The following MAP3K3 variants were observed in gnomAD, a reference collection of about 807,000 sequenced individuals.
The protein encoded by MAP3K3 is MAP/ERK kinase kinase 3.
A neutral mutation model predicts 80.9 loss-of-function variants in MAP3K3; 12 were observed. That is an observed-to-expected ratio of 0.15 (90% confidence interval 0.10 to 0.24). The LOEUF is 0.24. MAP3K3 is among the 10% of genes least tolerant of loss of function. The pLI, the probability that MAP3K3 is intolerant of heterozygous loss-of-function variation, is 1.00. For missense variants in MAP3K3, 596 were observed against 834.7 expected (o/e 0.71, Z 3.52); for synonymous variants, 272 against 307.1 (o/e 0.89, Z 1.19).
chr17:63,692,172 C>G lies in MAP3K3; in HGVS notation c.1475-70C>G, dbSNP rs908450652. 3.8e-6 allele frequency: 6 copies of G among 1,570,060 alleles called. No individual in the cohort carries two copies. The Admixed American group carries it at 7.0e-5, about 18-fold the overall frequency. On this transcript the variant is annotated intron_variant, in intron 14 of 15. Coordinates refer to ENST00000361733, the MANE Select transcript of MAP3K3 (RefSeq NM_002401.5). The surrounding 1 kb of genome is among the most constrained non-coding windows in gnomAD (Gnocchi z 4.5). The stretch of plus-strand genomic sequence containing the variant: ...CCCTCTCCAGCAGCTCTCAGTGACC[C>G]GGGGGTGGGGAGGATGGGAGAAAAT...
At chr17:63,663,165 T>A (rs73339412) in intron 5 of MAP3K3, among the ~76,000 whole-genome samples, 3,376 of 152,186 alleles carry the variant, frequency 0.022, 127 homozygotes, top group African/African-American at 0.077. Context: ...AAGACAAAAT[T>A]TTCAAGGAGT....
At chr17:63,677,632 T>C (rs769700486) in intron 6 of MAP3K3, among the ~76,000 whole-genome samples, 1 of 152,208 alleles carries the variant, frequency 6.6e-6, no homozygotes. Flanking sequence ...AAACCCTCTG[T>C]TGGCCAAGCG....
At chr17:63,640,893 T>C (rs1487424093) in intron 2 of MAP3K3, among the ~76,000 whole-genome samples, 1 of 152,106 alleles carries the variant, frequency 6.6e-6, no homozygotes, top group Non-Finnish European at 1.5e-5. Context: ...TTTTAAGAGG[T>C]CCAGGAAATA....
At chr17:63,681,959 A>C (rs1358335664) in intron 7 of MAP3K3, 60 bp downstream of exon 7, 1 of 1,313,760 alleles carries the variant, frequency 7.6e-7, no homozygotes, top group Non-Finnish European at 9.8e-7. Context: ...AGCTCATAAC[A>C]AGGGGTTCTT....
At chr17:63,627,810 C>T (rs1212816078) in intron 1 of MAP3K3, among the ~76,000 whole-genome samples, 1 of 152,104 alleles carries the variant, frequency 6.6e-6, no homozygotes, top group Non-Finnish European at 1.5e-5. Flanking sequence ...TCTCAAACTC[C>T]TGGGATCAAG....
chr17:63,687,467 G>A (rs1485720343), intron 8 of MAP3K3, among the ~76,000 whole-genome samples: 16 of 146,134 alleles, frequency 1.1e-4, no homozygotes, highest in African/African-American at 4.1e-4. Flanking sequence ...AACCCAGATC[G>A]CCCCATTGCA....
intron 3 of MAP3K3, 83 bp from the exon 4 acceptor site, chr17:63,652,470 AAAGG>A (rs2034676412): frequency 1.2e-6 from 1 of 850,982 alleles, no homozygotes; most frequent in Non-Finnish European, 1.9e-6. Context: ...TGTTGAGAAG[AAAGG>A]AAGAATATAC....
intron 8 of MAP3K3, among the ~76,000 whole-genome samples, chr17:63,687,353 A>C (rs1367660018): frequency 6.6e-6 from 1 of 150,940 alleles, no homozygotes; most frequent in African/African-American, 2.4e-5. Flanking sequence ...AAAAATACAA[A>C]AAAAAAAAAA....
chr17:63,687,309 G>C (rs2035474203), intron 8 of MAP3K3, among the ~76,000 whole-genome samples: 1 of 148,834 alleles, frequency 6.7e-6, no homozygotes, highest in Non-Finnish European at 1.5e-5. Context: ...TTCGAGACCA[G>C]CCTGGCCAAC....
At chr17:63,684,734 C>T (rs1248833975) in intron 7 of MAP3K3, among the ~76,000 whole-genome samples, 1 of 152,138 alleles carries the variant, frequency 6.6e-6, no homozygotes, top group East Asian at 1.9e-4. Flanking sequence ...GCAAGTGATC[C>T]TTCCCTCTCG....
chr17:63,678,164 T>C (rs1189601767), intron 6 of MAP3K3, among the ~76,000 whole-genome samples: 1 of 152,118 alleles, frequency 6.6e-6, no homozygotes, highest in Non-Finnish European at 1.5e-5. Context: ...GGGCTTGGGT[T>C]TCCCTCTGCG....
intron 4 of MAP3K3, among the ~76,000 whole-genome samples, chr17:63,653,595 A>G (rs954145016): frequency 1.4e-4 from 21 of 152,206 alleles, no homozygotes; most frequent in Admixed American, 1.2e-3. Context: ...ATGTCTTAAC[A>G]TACTCTACTA....
At chr17:63,688,761 A>T in intron 9 of MAP3K3, 28 bp from the exon 10 acceptor site, 1 of 1,556,354 alleles carries the variant, frequency 6.4e-7, no homozygotes, top group Non-Finnish European at 8.9e-7. Context: ...ACCTACCCAG[A>T]AGCCAGTGAT....
In MAP3K3 at chr17:63,627,875, C is replaced by T. The variant is rs543886307; in HGVS notation, c.5-4806C>T. Reference sequence around the variant, plus strand: ...TTGGACTTACAGGTGTGAGCCAATGCGCCCGGCCTGTCACTCTTATTTTCT... The same window carrying T: ...TTGGACTTACAGGTGTGAGCCAATGTGCCCGGCCTGTCACTCTTATTTTCT... On this transcript the variant is annotated intron_variant, in intron 1 of 15. Transcript: ENST00000361733. 1.1e-3 allele frequency among the ~76,000 whole-genome samples: 163 copies of T among 151,732 alleles called. 1 individual carries two copies. Among genetic ancestry groups the T allele is most frequent in the African/African-American group, 3.5e-3 (146 of 41,390 alleles).
At chr17:63,686,522 T>TCC (rs2035453533) in intron 8 of MAP3K3, among the ~76,000 whole-genome samples, 3 of 152,222 alleles carry the variant, frequency 2.0e-5, no homozygotes, top group Non-Finnish European at 4.4e-5. Context: ...GGATTGACTC[T>TCC]GGCTTTGGAT....
At chr17:63,668,273 T>C (rs186060514) in intron 6 of MAP3K3, 3 of 152,236 alleles carry the variant, frequency 2.0e-5, no homozygotes, top group Non-Finnish European at 4.4e-5. Context: ...AGGAAAAATA[T>C]GTTTCTGAGG....
chr17:63,661,806 TTAAAAA>T (rs765257077), intron 5 of MAP3K3, among the ~76,000 whole-genome samples: 1 of 152,120 alleles, frequency 6.6e-6, no homozygotes, highest in Non-Finnish European at 1.5e-5. Flanking sequence ...CTGGCCCCTG[TTAAAAA>T]TAAACACTGG....
At chr17:63,647,061 GGT>G (rs2034554442) in intron 3 of MAP3K3, among the ~76,000 whole-genome samples, 1 of 152,128 alleles carries the variant, frequency 6.6e-6, no homozygotes, top group African/African-American at 2.4e-5. Context: ...TCTTGATTCT[GGT>G]AGTTCTCTAC....
At chr17:63,639,905 T>A (rs972578588) in intron 2 of MAP3K3, among the ~76,000 whole-genome samples, 1 of 152,140 alleles carries the variant, frequency 6.6e-6, no homozygotes, top group African/African-American at 2.4e-5. Flanking sequence ...TATAAAGATA[T>A]AATGCTTTAT....
Sources: allele counts gnomAD v4.1 joint callset (sites outside exome capture counted in the v4.1 genomes callset), GRCh38; gene constraint gnomAD v4.1.1; non-coding constraint Gnocchi (gnomAD v3.1); transcripts MANE v1.5; gene names NCBI Gene and HGNC (gene_info 2026-07-23, HGNC 2026-07-21).